XKR9: variants seen among roughly 807,000 people sequenced by gnomAD.
XKR9 encodes the protein XK related 9.
Under a neutral mutation model 32.0 loss-of-function variants are expected in XKR9, and 32 were observed. The ratio of observed to expected loss-of-function variants is 1.00; its 90% confidence interval spans 0.76 to 1.34. XKR9 has a LOEUF of 1.34. XKR9 is among the 40% of genes most tolerant of loss of function. The pLI, the probability that XKR9 is intolerant of heterozygous loss-of-function variation, is 0.00. For missense variants in XKR9, 546 were observed against 429.7 expected, an observed-to-expected ratio of 1.27 and a Z score of -2.39; for synonymous variants, 168 against 143.4, an observed-to-expected ratio of 1.17 and a Z score of -1.22.
the XKR9 span, among the ~76,000 whole-genome samples, chr8:70,877,227 C>A: frequency 6.6e-6 from 1 of 152,198 alleles, no homozygotes; most frequent in East Asian, 1.9e-4. Flanking sequence ...GGAAACTGCC[C>A]CCATGATTCA....
At chr8:70,861,566 C>T in the XKR9 span, among the ~76,000 whole-genome samples, 1 of 151,876 alleles carries the variant, frequency 6.6e-6, no homozygotes, top group Non-Finnish European at 1.5e-5. Flanking sequence ...AGGAGGATGG[C>T]TTGAAGTTGA....
At chr8:70,945,378 A>G in the XKR9 span, among the ~76,000 whole-genome samples, 1 of 152,216 alleles carries the variant, frequency 6.6e-6, no homozygotes, top group Non-Finnish European at 1.5e-5. Context: ...GAATTACATT[A>G]AATGAGAAAT....
the XKR9 span, among the ~76,000 whole-genome samples, chr8:71,055,913 C>A: frequency 6.6e-6 from 1 of 152,118 alleles, no homozygotes. Flanking sequence ...TAACTTGGCT[C>A]TTTTTCCTAA....
intron 3 of XKR9, among the ~76,000 whole-genome samples, chr8:70,697,125 G>A (rs1224885530): frequency 6.6e-6 from 1 of 150,432 alleles, no homozygotes; most frequent in Admixed American, 6.6e-5. Flanking sequence ...CATGTCATCT[G>A]CAAACAGGGA....
intron 2 of XKR9, among the ~76,000 whole-genome samples, chr8:70,769,773 G>T (rs1807428333): frequency 6.6e-6 from 1 of 151,758 alleles, no homozygotes; most frequent in African/African-American, 2.4e-5. Context: ...CTCATGCTGT[G>T]TTTTTCAGCT....
At chr8:70,767,498 T>TTTC (rs760176718) in intron 2 of XKR9, among the ~76,000 whole-genome samples, 1,147 of 61,316 alleles carry the variant, frequency 0.019, 7 homozygotes, top group Admixed American at 0.031. Flanking sequence ...TTTTCCTTCT[T>TTTC]TTTTTTTTTT....
intron 2 of XKR9, among the ~76,000 whole-genome samples, chr8:70,776,734 C>T (rs1203910021): frequency 6.6e-6 from 1 of 151,862 alleles, no homozygotes; most frequent in Non-Finnish European, 1.5e-5. Flanking sequence ...CCTTAGTCCT[C>T]AGATCTCAGC....
chr8:70,880,056 C>T, the XKR9 span, among the ~76,000 whole-genome samples: 2 of 152,076 alleles, frequency 1.3e-5, no homozygotes, highest in East Asian at 1.9e-4. Flanking sequence ...CAGAAAAGGC[C>T]TTTGACAAAA....
intron 2 of XKR9, among the ~76,000 whole-genome samples, chr8:70,676,331 A>C (rs529187414): frequency 1.3e-5 from 2 of 152,294 alleles, no homozygotes; most frequent in Admixed American, 1.3e-4. Context: ...ATTCAACATG[A>C]GATTTGGTAG....
chr8:70,799,486 A>G, the XKR9 span, among the ~76,000 whole-genome samples: 40 of 152,182 alleles, frequency 2.6e-4, 1 homozygote, highest in African/African-American at 9.4e-4. Context: ...GCGTGCCACC[A>G]TGCCCAGCTA....
the XKR9 span, among the ~76,000 whole-genome samples, chr8:70,858,675 C>T: frequency 6.6e-6 from 1 of 151,948 alleles, no homozygotes; most frequent in African/African-American, 2.4e-5. Flanking sequence ...ACCAATGGAA[C>T]AGAATAGAGA....
the XKR9 span, among the ~76,000 whole-genome samples, chr8:71,012,236 G>T: frequency 1.3e-5 from 2 of 152,152 alleles, no homozygotes; most frequent in African/African-American, 4.8e-5. Context: ...AAGAGTTAAA[G>T]AAAAAGACAG....
the XKR9 span, among the ~76,000 whole-genome samples, chr8:70,983,207 C>T: frequency 7.9e-5 from 12 of 152,174 alleles, no homozygotes; most frequent in Non-Finnish European, 1.6e-4. Flanking sequence ...AAATAGCATT[C>T]TTTCCCCTTT....
At chr8:70,790,215 G>A (rs1045417980) in exon 4 of XKR9, 9 of 151,940 alleles carry the variant, frequency 5.9e-5, no homozygotes, top group African/African-American at 2.2e-4. Flanking sequence ...AAATTCCAAA[G>A]AGGAGACCTG....
chr8:70,929,318 A>G, the XKR9 span, among the ~76,000 whole-genome samples: 2 of 152,226 alleles, frequency 1.3e-5, no homozygotes, highest in Non-Finnish European at 2.9e-5. Context: ...AATTTAAACT[A>G]AATACCTTAT....
At chr8:70,778,100 G>A (rs1478634739) in intron 2 of XKR9, among the ~76,000 whole-genome samples, 2 of 152,166 alleles carry the variant, frequency 1.3e-5, no homozygotes, top group Non-Finnish European at 2.9e-5. Flanking sequence ...TTACATTTAA[G>A]TCTTTTATCT....
At chr8:70,828,730 GAAA>G in the XKR9 span, among the ~76,000 whole-genome samples, 5 of 119,570 alleles carry the variant, frequency 4.2e-5, no homozygotes, top group African/African-American at 1.6e-4. Flanking sequence ...CAAAAAAAAA[GAAA>G]AAAAAAAAAA....
At chr8:70,835,284 A>G in the XKR9 span, among the ~76,000 whole-genome samples, 1 of 152,128 alleles carries the variant, frequency 6.6e-6, no homozygotes, top group African/African-American at 2.4e-5. Context: ...AGACAATTAA[A>G]TATAATTCAA....
the XKR9 span, among the ~76,000 whole-genome samples, chr8:70,889,827 G>A: frequency 3.2e-3 from 494 of 152,008 alleles, no homozygotes; most frequent in Non-Finnish European, 4.7e-3. Flanking sequence ...TTGTTGATAG[G>A]CACTTAGGTT....
Sources: allele counts gnomAD v4.1 joint callset (sites outside exome capture counted in the v4.1 genomes callset), GRCh38; gene constraint gnomAD v4.1.1; transcripts MANE v1.5; gene names NCBI Gene and HGNC (gene_info 2026-07-23, HGNC 2026-07-21).